ZNF713: variants seen among roughly 807,000 people sequenced by gnomAD.
The protein encoded by ZNF713 is zinc finger protein 713.
A neutral mutation model predicts 28.7 loss-of-function variants in ZNF713; 21 were observed. That is an observed-to-expected ratio of 0.73 (90% CI 0.52 to 1.05). The LOEUF is 1.05. Ranked by LOEUF, ZNF713 falls within the 50% of genes least tolerant of loss-of-function variation. ZNF713 has a pLI of 0.00. For synonymous variants in ZNF713, 167 were observed against 178.0 expected, an observed-to-expected ratio of 0.94 and a Z score of 0.49; for missense variants, 458 against 532.4, an observed-to-expected ratio of 0.86 and a Z score of 1.37.
At chr7:55,919,523 T>TTTTTTTTTTTTTTTTTTTTG (rs1785952110) in intron 4 of ZNF713, among the ~76,000 whole-genome samples, 1 of 113,270 alleles carries the variant, frequency 8.8e-6, no homozygotes, top group Non-Finnish European at 1.8e-5. Context: ...TTTTTTTTTT[T>TTTTTTTTTTTTTTTTTTTTG]GAGATGAAGT....
chr7:55,929,756 A>G (rs915084592), intron 6 of ZNF713, among the ~76,000 whole-genome samples: 8 of 152,170 alleles, frequency 5.3e-5, no homozygotes, highest in Non-Finnish European at 1.0e-4. Flanking sequence ...CTCAAAAAAA[A>G]AAAACTGGAG....
chr7:55,902,993 CAAA>C (rs35706402), intron 1 of ZNF713, among the ~76,000 whole-genome samples: 4,619 of 80,786 alleles, frequency 0.057, 72 homozygotes, highest in Admixed American at 0.08. Context: ...AACTCCGTCT[CAAA>C]AAAAAAAAAA....
intron 1 of ZNF713, among the ~76,000 whole-genome samples, chr7:55,901,714 A>G (rs2116188240): frequency 6.6e-6 from 1 of 152,262 alleles, no homozygotes; most frequent in East Asian, 1.9e-4. Flanking sequence ...CCCTTGCCCA[A>G]TTTACCTCTT....
Position 55,940,003 on chromosome 7 carries a change from ATAACT to A in ZNF713, c.1332_*4del. ...GCCACAGTCCTTCATTTAGCAGCAC[ATAACT>A]TATGGTGGGGGAAATCAGATAAATA... On this transcript the variant is annotated stop_lost and 3_prime_UTR_variant, in exon 7 of 7. Transcript: ENST00000429591. The A allele has an allele frequency of 6.4e-7, 1 of 1,566,082 alleles. No homozygotes were observed. Among genetic ancestry groups the A allele is most frequent in the African/African-American group, 1.4e-5 (1 of 73,386 alleles).
intron 4 of ZNF713, among the ~76,000 whole-genome samples, chr7:55,915,877 C>T (rs555030611): frequency 1.3e-5 from 2 of 152,244 alleles, no homozygotes; most frequent in Admixed American, 6.5e-5. Flanking sequence ...TCCAATTCTA[C>T]ATTAAAAATC....
intron 6 of ZNF713, among the ~76,000 whole-genome samples, chr7:55,937,719 G>A (rs1445912792): frequency 6.6e-6 from 1 of 151,654 alleles, no homozygotes; most frequent in Non-Finnish European, 1.5e-5. Context: ...CCTGGGAAAC[G>A]TAGTGAGACC....
chr7:55,898,933 CTTA>C (rs1254709399), intron 1 of ZNF713, among the ~76,000 whole-genome samples: 1 of 152,058 alleles, frequency 6.6e-6, no homozygotes, highest in East Asian at 1.9e-4. Flanking sequence ...GTTAGAATGG[CTTA>C]TTATCAAAAA....
At chr7:55,938,622 C>T (rs1445723224) in intron 6 of ZNF713, among the ~76,000 whole-genome samples, 1 of 151,330 alleles carries the variant, frequency 6.6e-6, no homozygotes, top group Non-Finnish European at 1.5e-5. Flanking sequence ...AAGGCCTGGC[C>T]TTAGACCAGC....
chr7:55,916,215 A>G (rs754362621), intron 4 of ZNF713, among the ~76,000 whole-genome samples: 6 of 152,212 alleles, frequency 3.9e-5, no homozygotes, highest in African/African-American at 4.8e-5. Flanking sequence ...GATGGCCTAA[A>G]CAGTCCTATA....
Position 55,920,947 on chromosome 7 carries a change from A to T in ZNF713, c.88-2215A>T, listed in dbSNP as rs114142025. ...AATCTAGGACTTTAATAGCTAGAAGAAGTCAACTCATGGCTTCAGAAGACA... is the reference window on the plus strand; with the variant it reads ...AATCTAGGACTTTAATAGCTAGAAGTAGTCAACTCATGGCTTCAGAAGACA... On this transcript the variant is annotated intron_variant, in intron 4 of 6. Transcript: ENST00000429591. Among the ~76,000 whole-genome samples, 648 of 152,232 alleles carry T rather than the reference A, an allele frequency of 4.3e-3. 7 individuals are homozygous for T. The highest frequency in any genetic ancestry group is 0.015 in the African/African-American group (625 of 41,568).
At chr7:55,908,890 G>A (rs1006709762) in intron 2 of ZNF713, among the ~76,000 whole-genome samples, 4 of 151,892 alleles carry the variant, frequency 2.6e-5, no homozygotes, top group Non-Finnish European at 4.4e-5. Flanking sequence ...AATACATCTT[G>A]AGTTAATTTT....
intron 1 of ZNF713, among the ~76,000 whole-genome samples, chr7:55,892,555 C>CAAAAAAAAAAAAAAAAAA (rs56338467): frequency 5.0e-4 from 37 of 74,356 alleles, no homozygotes; most frequent in Admixed American, 9.6e-4. Context: ...AAGCACTGAC[C>CAAAAAAAAAAAAAAAAAA]AAAAAAAAAA....
At chr7:55,903,330 T>C (rs987639006) in intron 1 of ZNF713, among the ~76,000 whole-genome samples, 1 of 151,812 alleles carries the variant, frequency 6.6e-6, no homozygotes, top group Non-Finnish European at 1.5e-5. Context: ...TGGTGAGGTA[T>C]GAAGATGGGT....
intron 1 of ZNF713, among the ~76,000 whole-genome samples, chr7:55,900,339 G>A (rs560505931): frequency 2.1e-5 from 3 of 145,886 alleles, no homozygotes; most frequent in Non-Finnish European, 4.5e-5. Context: ...ATGGCGGCAC[G>A]TGTCTGTAAT....
At chr7:55,929,765 A>C (rs1786174792) in intron 6 of ZNF713, among the ~76,000 whole-genome samples, 1 of 151,314 alleles carries the variant, frequency 6.6e-6, no homozygotes, top group Non-Finnish European at 1.5e-5. Context: ...AAAAAACTGG[A>C]GAGAGAGACC....
At chr7:55,917,629 C>A (rs1785909035) in intron 4 of ZNF713, among the ~76,000 whole-genome samples, 1 of 151,154 alleles carries the variant, frequency 6.6e-6, no homozygotes, top group Admixed American at 6.6e-5. Flanking sequence ...CACTTGAGCC[C>A]AGAAGGTGAA....
chr7:55,895,148 C>A (rs2116168681), intron 1 of ZNF713, among the ~76,000 whole-genome samples: 1 of 152,088 alleles, frequency 6.6e-6, no homozygotes, highest in Admixed American at 6.6e-5. Context: ...AGACTAAAGT[C>A]AAGGAGATAA....
chr7:55,914,847 T>G (rs1785850839), intron 4 of ZNF713, among the ~76,000 whole-genome samples: 1 of 152,012 alleles, frequency 6.6e-6, no homozygotes, highest in Non-Finnish European at 1.5e-5. Context: ...TTCATTTGGT[T>G]TATTTTATTT....
chr7:55,903,367 A>T (rs930629672), intron 1 of ZNF713, among the ~76,000 whole-genome samples: 4 of 146,504 alleles, frequency 2.7e-5, no homozygotes, highest in African/African-American at 7.6e-5. Context: ...ACAGTGATTT[A>T]AAAAAAAAAA....
Sources: gnomAD v4.1 joint callset for allele counts (sites outside exome capture counted in the v4.1 genomes callset) on GRCh38, gnomAD v4.1.1 for gene constraint, MANE v1.5 for transcripts, NCBI Gene and HGNC (gene_info 2026-07-23, HGNC 2026-07-21) for gene names.